The following ABCC8 variants were observed in gnomAD, a reference collection of about 807,000 sequenced individuals.
The protein encoded by ABCC8 is ATP-binding cassette sub-family C member 8.
In ABCC8, 137 loss-of-function variants were observed where a neutral mutation model predicts 188.0. The ratio of observed to expected loss-of-function variants is 0.73; its 90% CI spans 0.63 to 0.84. ABCC8 has a LOEUF of 0.84. Ranked by LOEUF, ABCC8 falls within the 40% of genes least tolerant of loss-of-function variation. ABCC8 has a pLI of 0.00. For missense variants in ABCC8, 1,750 were observed against 2,072.7 expected (o/e 0.84, Z 3.02); for synonymous variants, 797 against 846.5 (o/e 0.94, Z 1.01).
At chr11:17,432,637 C>T (rs1310239562) in intron 10 of ABCC8, among the ~76,000 whole-genome samples, 1 of 152,194 alleles carries the variant, frequency 6.6e-6, no homozygotes, top group Non-Finnish European at 1.5e-5. Flanking sequence ...TGTGTCCCCC[C>T]AAGCCAGGCT....
chr11:17,467,914 C>G (rs1476733759), intron 3 of ABCC8, among the ~76,000 whole-genome samples: 2 of 152,212 alleles, frequency 1.3e-5, no homozygotes, highest in Non-Finnish European at 2.9e-5. Flanking sequence ...ATAACTTGTG[C>G]TTTAAAGAGA....
intron 20 of ABCC8, 147 bp downstream of exon 20, chr11:17,413,244 CAAG>C (rs1454930519): frequency 7.9e-7 from 1 of 1,273,356 alleles, no homozygotes; most frequent in Non-Finnish European, 1.1e-6. Context: ...AGGACATCAT[CAAG>C]AACAACATGT....
intron 3 of ABCC8, 113 bp from the exon 4 acceptor site, chr11:17,463,717 T>C: frequency 1.4e-6 from 2 of 1,409,158 alleles, no homozygotes; most frequent in Non-Finnish European, 1.9e-6. Context: ...TGCCTGGGTG[T>C]GTACATTTCC....
chr11:17,461,247 T>G, intron 5 of ABCC8: 1 of 412,482 alleles, frequency 2.4e-6, no homozygotes. Flanking sequence ...ACTCCAACCT[T>G]TATAGTCAGT....
At position 17,406,686 on chromosome 11, in the gene ABCC8, C is replaced by A. The variant is rs1954541688; in HGVS notation, c.3265G>T (p.Gly1089Trp). The A allele has an allele frequency of 6.2e-7, 1 of 1,614,138 alleles. No individual in the cohort carries two copies. Among genetic ancestry groups the A allele is most frequent in the African/African-American group, 1.3e-5 (1 of 74,952 alleles). Residue 1089 changes from glycine to tryptophan, a missense_variant, in exon 26 of 39, where the codon GGG becomes TGG. Transcript: ENST00000389817. ...LVTSVTVEWT[G>W]LKVAKRLHRS... ...TGCAGTCTCTTGGCCACCTTCAGCC[C>A]TGTCCACTCCACAGTGACAGACGTG...
At chr11:17,458,115 G>GAGA (rs1229466037) in intron 6 of ABCC8, among the ~76,000 whole-genome samples, 1 of 152,192 alleles carries the variant, frequency 6.6e-6, no homozygotes, top group Non-Finnish European at 1.5e-5. Flanking sequence ...CCACATGATG[G>GAGA]AGAGTTCTTT....
intron 10 of ABCC8, among the ~76,000 whole-genome samples, chr11:17,441,304 C>T (rs1345998619): frequency 5.9e-5 from 9 of 152,042 alleles, no homozygotes; most frequent in Admixed American, 1.3e-4. Context: ...GGATCTAGTC[C>T]GAGCCATGCT....
At position 17,443,221 on chromosome 11, in the gene ABCC8, T is replaced by G; in HGVS notation, c.1424A>C (p.Tyr475Ser). 6.2e-7 allele frequency: 1 copy of G among 1,614,148 alleles called. No homozygotes were observed. Reference protein sequence around the residue: ...AVIILLAPVQYFVATKLSQAQ... With the variant: ...AVIILLAPVQSFVATKLSQAQ... ...CTGAGACAGCTTGGTGGCCACGAAG[T>G]ACTGGACAGGAGCCAGTAGAATGAT... The change falls in exon 9 of 39, where the codon TAC becomes TCC. Residue 475 changes from tyrosine to serine, a missense_variant. Coordinates refer to ENST00000389817, the MANE Select transcript of ABCC8 (RefSeq NM_000352.6).
intron 10 of ABCC8, chr11:17,435,594 C>T: frequency 2.2e-6 from 3 of 1,376,478 alleles, no homozygotes; most frequent in Admixed American, 1.7e-5. Flanking sequence ...TTTTCCCAGG[C>T]TGGAGATAAA....
At position 17,428,364 on chromosome 11, in the gene ABCC8, A is replaced by G; in HGVS notation, c.1965T>C (p.Asp655=). The G allele has an allele frequency of 6.2e-7, 1 of 1,614,088 alleles. No individual in the cohort carries two copies. The highest frequency in any genetic ancestry group is 8.5e-7 in the Non-Finnish European group (1 of 1,179,988). The change falls in exon 14 of 39, where the codon GAT becomes GAC. Residue 655 remains aspartate (D), a synonymous_variant. Transcript: ENST00000389817. ...VVNRKRPARE[D]CRGLTGPLQS... Reference sequence around the variant, plus strand: ...GCAGTGGGCCGGTGAGGCCCCGACAATCCTCCCGGGCTGGACGCTTGCGGT... The same window carrying G: ...GCAGTGGGCCGGTGAGGCCCCGACAGTCCTCCCGGGCTGGACGCTTGCGGT...
chr11:17,426,899 G>A lies in ABCC8; in HGVS notation c.2222+150C>T. ...TAGTAAGAGGTGAATACGTACTAGT[G>A]ATGATGATGAGAATATCCATTAGCA... On this transcript the variant is annotated intron_variant, in intron 16 of 38. Coordinates refer to ENST00000389817, the MANE Select transcript of ABCC8 (RefSeq NM_000352.6). The A allele has an allele frequency of 3.6e-6, 3 of 839,622 alleles. No homozygotes were observed. In the South Asian group the frequency reaches 6.3e-5, roughly 18 times the overall value. 52.0% of individuals were successfully genotyped at this position (839,622 alleles called of 1,614,324 possible). A position where few individuals can be genotyped will look rare whatever the true frequency, so the allele number is the denominator to read the frequency against.
At chr11:17,463,349 G>T in intron 4 of ABCC8, 89 bp downstream of exon 4, 1 of 1,145,038 alleles carries the variant, frequency 8.7e-7, no homozygotes, top group Non-Finnish European at 1.3e-6. Context: ...CAGTTTGGCT[G>T]AGAAGCAGGG....
At chr11:17,436,122 A>G in intron 10 of ABCC8, 1 of 796,386 alleles carries the variant, frequency 1.3e-6, no homozygotes, top group Non-Finnish European at 2.3e-6. Flanking sequence ...TACAGAGCTG[A>G]GGGCTAAAGT....
At chr11:17,458,516 CA>C (rs1432182107) in intron 6 of ABCC8, among the ~76,000 whole-genome samples, 1 of 151,880 alleles carries the variant, frequency 6.6e-6, no homozygotes, top group Non-Finnish European at 1.5e-5. Context: ...TGGCCTGTGC[CA>C]TTTCCCCCTG....
chr11:17,409,219 G>T (rs1954691623), intron 22 of ABCC8, among the ~76,000 whole-genome samples: 1 of 151,870 alleles, frequency 6.6e-6, no homozygotes, highest in South Asian at 2.1e-4. Flanking sequence ...GGCCTCCCAA[G>T]GTGCTGGGAT....
chr11:17,410,966 C>T (rs143519741), intron 21 of ABCC8, among the ~76,000 whole-genome samples: 5 of 152,294 alleles, frequency 3.3e-5, no homozygotes, highest in East Asian at 1.9e-4. Flanking sequence ...TATAACCTCT[C>T]GCTTTCCCTT....
At chr11:17,439,937 C>CAAA (rs1956248679) in intron 10 of ABCC8, among the ~76,000 whole-genome samples, 1 of 152,046 alleles carries the variant, frequency 6.6e-6, no homozygotes, top group Non-Finnish European at 1.5e-5. Context: ...CAATGAGCAC[C>CAAA]CACTAGGTAG....
At position 17,442,738 on chromosome 11, in the gene ABCC8, T is replaced by C. The variant is rs374817078; in HGVS notation, c.1612A>G (p.Ile538Val). The change falls in exon 10 of 39, where the codon ATC becomes GTC. Residue 538 changes from isoleucine to valine, a missense_variant. Transcript: ENST00000389817. ...AACTCACTGGAGATGGAGGTATAGATGGCAAAGGCCCTGAGGCTGGTCATC... is the reference window on the plus strand; with the variant it reads ...AACTCACTGGAGATGGAGGTATAGACGGCAAAGGCCCTGAGGCTGGTCATC... ...KEMTSLRAFA[I>V]YTSISIFMNT... 6.2e-7 allele frequency: 1 copy of C among 1,613,624 alleles called. No individual in the cohort carries two copies. Among genetic ancestry groups the C allele is most frequent in the African/African-American group, 1.3e-5 (1 of 74,910 alleles).
chr11:17,446,840 C>A (rs1032663510), intron 8 of ABCC8, among the ~76,000 whole-genome samples: 12 of 152,136 alleles, frequency 7.9e-5, no homozygotes, highest in Non-Finnish European at 5.9e-5. Context: ...AAACTCTAAG[C>A]TTTACAAGTA....
Sources: allele counts gnomAD v4.1 joint callset (sites outside exome capture counted in the v4.1 genomes callset), GRCh38; gene constraint gnomAD v4.1.1; transcripts MANE v1.5; gene names NCBI Gene and HGNC (gene_info 2026-07-23, HGNC 2026-07-21).